TMED3: variants seen among roughly 807,000 people sequenced by gnomAD.
The protein encoded by TMED3 is transmembrane p24 trafficking protein 3, also known as transmembrane emp24 domain-containing protein 3.
TMED3 carries 9 observed loss-of-function variants against 15.0 expected under a neutral mutation model. That is an observed-to-expected ratio of 0.60 (90% CI 0.36 to 1.04). The LOEUF (loss-of-function observed/expected upper bound fraction) is 1.04, where lower values mean the gene tolerates loss of function less well. TMED3 is among the 50% of genes least tolerant of loss of function. The probability of loss-of-function intolerance (pLI) is 0.01; values close to 1 mark genes in which losing one functional copy is unlikely to be tolerated. For synonymous variants in TMED3, 117 were observed against 121.4 expected (o/e 0.96, Z 0.24); for missense variants, 267 against 278.9 (o/e 0.96, Z 0.30).
intron 2 of TMED3, 51 bp from the exon 3 acceptor site, chr15:79,321,927 C>A: frequency 6.3e-7 from 1 of 1,586,446 alleles, no homozygotes. Flanking sequence ...TTGCTGGATC[C>A]CACATTTGTC....
At chr15:79,390,731 A>C (rs566068918) in intron 2 of TMED3, among the ~76,000 whole-genome samples, 1 of 151,020 alleles carries the variant, frequency 6.6e-6, no homozygotes, top group African/African-American at 2.4e-5. Flanking sequence ...CTTTTTTTTT[A>C]ATTTTTAAGT....
intron 2 of TMED3, among the ~76,000 whole-genome samples, chr15:79,351,881 C>G (rs2058892349): frequency 6.6e-6 from 1 of 152,256 alleles, no homozygotes; most frequent in South Asian, 2.1e-4. Context: ...TGGAATTCTA[C>G]TCAGCCATAA....
intron 2 of TMED3, among the ~76,000 whole-genome samples, chr15:79,388,768 G>C (rs12901063): frequency 0.061 from 9,291 of 152,068 alleles, 410 homozygotes; most frequent in Non-Finnish European, 0.091. Context: ...GTTTTTTGGT[G>C]TTTAGATTAT....
At chr15:79,312,367 A>T (rs1596046791) in intron 1 of TMED3, among the ~76,000 whole-genome samples, 1 of 152,330 alleles carries the variant, frequency 6.6e-6, no homozygotes, top group East Asian at 1.9e-4. Context: ...CTGGGTTAAC[A>T]TGGGCAACCT....
intron 2 of TMED3, among the ~76,000 whole-genome samples, chr15:79,405,248 T>C (rs1377466823): frequency 6.6e-6 from 1 of 152,178 alleles, no homozygotes; most frequent in East Asian, 1.9e-4. Context: ...GATCTAGAAC[T>C]CTGGGGGTCT....
At chr15:79,381,709 T>C (rs186868696) in intron 2 of TMED3, among the ~76,000 whole-genome samples, 4 of 152,300 alleles carry the variant, frequency 2.6e-5, no homozygotes, top group Non-Finnish European at 4.4e-5. Flanking sequence ...AGCTACCTGC[T>C]CTCCCCTGGG....
intron 2 of TMED3, among the ~76,000 whole-genome samples, chr15:79,330,005 T>C (rs567908881): frequency 1.3e-4 from 20 of 152,232 alleles, no homozygotes; most frequent in Non-Finnish European, 2.6e-4. Context: ...TATTTAGAGA[T>C]GCCCGGTGGT....
chr15:79,336,012 T>C (rs911055402), intron 2 of TMED3, among the ~76,000 whole-genome samples: 1 of 152,202 alleles, frequency 6.6e-6, no homozygotes, highest in Admixed American at 6.5e-5. Context: ...CCCAAGGCTA[T>C]GCAGCTAGTA....
At chr15:79,346,279 G>A (rs1450956806) in intron 2 of TMED3, among the ~76,000 whole-genome samples, 2 of 152,042 alleles carry the variant, frequency 1.3e-5, no homozygotes, top group Non-Finnish European at 2.9e-5. Flanking sequence ...TTTTGATATG[G>A]TTAGACTTTG....
chr15:79,363,067 A>G lies in TMED3; in HGVS notation c.418-48333A>G, dbSNP rs147772547. Among the ~76,000 whole-genome samples the G allele has an allele frequency of 9.6e-4, 147 of 152,360 alleles. 1 individual carries two copies. The East Asian group carries it at 0.024, about 25-fold the overall frequency. On this transcript the variant is annotated intron_variant, in intron 2 of 2. Coordinates refer to the TMED3 transcript ENST00000424155. ...TCCAGAATCAGATGCAGGTATACAC[A>G]GTAATTCATTAGATGAGAAAAGTTT...
chr15:79,372,059 C>T (rs542075337), intron 2 of TMED3, among the ~76,000 whole-genome samples: 12 of 152,228 alleles, frequency 7.9e-5, no homozygotes, highest in African/African-American at 2.9e-4. Flanking sequence ...TAAGCAAAAA[C>T]AAACAAACAA....
chr15:79,329,281 C>T (rs916754862), intron 2 of TMED3, among the ~76,000 whole-genome samples: 5 of 152,280 alleles, frequency 3.3e-5, no homozygotes, highest in Non-Finnish European at 5.9e-5. Context: ...TGACTCACAG[C>T]CCCAAACAGC....
intron 2 of TMED3, among the ~76,000 whole-genome samples, chr15:79,363,779 C>T (rs556235075): frequency 1.3e-5 from 2 of 152,224 alleles, no homozygotes; most frequent in African/African-American, 4.8e-5. Flanking sequence ...GTTACCAAAC[C>T]GAACTTGGGT....
At chr15:79,369,470 A>C (rs1347659447) in intron 2 of TMED3, among the ~76,000 whole-genome samples, 3 of 152,158 alleles carry the variant, frequency 2.0e-5, no homozygotes, top group Non-Finnish European at 4.4e-5. Flanking sequence ...CCCAAAGCAA[A>C]GTGGTACATT....
chr15:79,394,021 T>A (rs1316128671), intron 2 of TMED3, among the ~76,000 whole-genome samples: 1 of 152,146 alleles, frequency 6.6e-6, no homozygotes, highest in Non-Finnish European at 1.5e-5. Flanking sequence ...ATATTCTCCT[T>A]TCTACCTCTA....
intron 2 of TMED3, among the ~76,000 whole-genome samples, chr15:79,404,168 G>T (rs1395937): frequency 0.46 from 70,182 of 152,066 alleles, 16,603 homozygotes; most frequent in East Asian, 0.68. Flanking sequence ...TTTGCATGGA[G>T]AGCTGGAGGA....
chr15:79,399,774 T>A (rs1465965244), intron 2 of TMED3, among the ~76,000 whole-genome samples: 3 of 152,188 alleles, frequency 2.0e-5, no homozygotes, highest in African/African-American at 7.2e-5. Context: ...AAATAAAAAT[T>A]GCATCTGTGA....
At chr15:79,343,723 T>TG (rs2058859356) in intron 2 of TMED3, among the ~76,000 whole-genome samples, 1 of 152,072 alleles carries the variant, frequency 6.6e-6, no homozygotes, top group African/African-American at 2.4e-5. Context: ...GTGAAGGATG[T>TG]GGGACAGGCT....
intron 2 of TMED3, among the ~76,000 whole-genome samples, chr15:79,392,151 T>C (rs899737678): frequency 6.6e-6 from 1 of 152,194 alleles, no homozygotes; most frequent in Non-Finnish European, 1.5e-5. Flanking sequence ...TACCTTGTTT[T>C]TTTTGTTTTG....
Sources: allele counts gnomAD v4.1 joint callset (sites outside exome capture counted in the v4.1 genomes callset), GRCh38; gene constraint gnomAD v4.1.1; transcripts MANE v1.5; gene names NCBI Gene and HGNC (gene_info 2026-07-23, HGNC 2026-07-21).